Variants in KARS1 observed in about 807,000 individuals in gnomAD.
KARS1 encodes the protein lysyl-tRNA synthetase 1.
Under a neutral mutation model 63.9 loss-of-function variants are expected in KARS1, and 50 were observed. The observed-to-expected ratio is 0.78, with a 90% CI of 0.62 to 0.99. The LOEUF (loss-of-function observed/expected upper bound fraction) is 0.99. Among genes scored for constraint, KARS1 ranks in the 50% least tolerant of loss-of-function variants. The pLI, the probability that KARS1 is intolerant of heterozygous loss-of-function variation, is 0.00. For missense variants in KARS1, 816 were observed against 754.5 expected, an observed-to-expected ratio of 1.08 and a Z score of -0.95; for synonymous variants, 320 against 264.6, an observed-to-expected ratio of 1.21 and a Z score of -2.03.
chr16:75,646,983 T>C (rs984840167), intron 1 of KARS1, among the ~76,000 whole-genome samples: 22 of 152,148 alleles, frequency 1.4e-4, no homozygotes, highest in African/African-American at 4.6e-4. Flanking sequence ...CTCCAGGGAT[T>C]TGGGAGTGGT....
chr16:75,631,075 A>G (rs1318434459), intron 10 of KARS1, 93 bp downstream of exon 10: 1 of 951,200 alleles, frequency 1.1e-6, no homozygotes, highest in East Asian at 2.6e-5. Flanking sequence ...AGCTGCAGAA[A>G]TGAACTCTCC....
chr16:75,632,706 T>A (rs893371619), intron 7 of KARS1, among the ~76,000 whole-genome samples: 1 of 152,184 alleles, frequency 6.6e-6, no homozygotes, highest in Non-Finnish European at 1.5e-5. Flanking sequence ...CTCAGAATCA[T>A]TCCTAGTTGT....
chr16:75,636,607 G>T, intron 3 of KARS1, 60 bp from the exon 4 acceptor site: 1 of 1,072,114 alleles, frequency 9.3e-7, no homozygotes, highest in Non-Finnish European at 1.4e-6. Context: ...TATGGTATCA[G>T]TGTCAAAAAA....
intron 7 of KARS1, among the ~76,000 whole-genome samples, chr16:75,633,000 C>G (rs1013595564): frequency 1.3e-5 from 2 of 152,138 alleles, no homozygotes; most frequent in Admixed American, 6.5e-5. Context: ...ATTAACTAAC[C>G]TTTCAGCCAG....
At chr16:75,636,349 A>G (rs2151806074) in intron 4 of KARS1, 105 bp downstream of exon 4, 1 of 869,414 alleles carries the variant, frequency 1.2e-6, no homozygotes, top group Middle Eastern at 2.2e-4. Context: ...ACCATGTCCC[A>G]CTCCTTCTTA....
chr16:75,628,801 T>G, intron 12 of KARS1, 89 bp from the exon 13 acceptor site: 4 of 1,375,074 alleles, frequency 2.9e-6, no homozygotes, highest in Non-Finnish European at 3.1e-6. Context: ...GAGGTGGGAG[T>G]ACCATCATTC....
intron 1 of KARS1, among the ~76,000 whole-genome samples, chr16:75,646,306 G>A (rs1346672938): frequency 6.6e-6 from 1 of 152,208 alleles, no homozygotes; most frequent in Non-Finnish European, 1.5e-5. Context: ...ACTTTGGGAG[G>A]CCAAGGTGGG....
At chr16:75,636,973 T>C (rs1311090228) in intron 3 of KARS1, among the ~76,000 whole-genome samples, 1 of 145,844 alleles carries the variant, frequency 6.9e-6, no homozygotes, top group East Asian at 2.1e-4. Context: ...CAGGGCACAA[T>C]GCAAAGCAGT....
rs193272354 is a variant in KARS1 at position 75,629,626 on chromosome 16, G to C, written c.1425-85C>G. The C allele has an allele frequency of 3.4e-4, 475 of 1,416,946 alleles. No individual in the cohort carries two copies. In the African/African-American group the frequency reaches 6.0e-3, roughly 18 times the overall value. 87.8% of individuals were successfully genotyped at this position (1,416,946 alleles called of 1,614,324 possible). The stretch of plus-strand genomic sequence containing the variant: ...GTTTTTTCTTTTTTTTTGAGACGGA[G>C]TCTCGCTCTGTCACGCAGGCTGGAG... On this transcript the variant is annotated intron_variant, in intron 11 of 13. Transcript: ENST00000302445.
At chr16:75,637,360 C>T (rs979280283) in intron 3 of KARS1, among the ~76,000 whole-genome samples, 1 of 151,822 alleles carries the variant, frequency 6.6e-6, no homozygotes, top group Admixed American at 6.6e-5. Flanking sequence ...CTGGAAAGCC[C>T]CCAAATGGCC....
At chr16:75,635,566 C>T (rs991000214) in intron 6 of KARS1, 114 bp downstream of exon 6, 228 of 1,191,726 alleles carry the variant, frequency 1.9e-4, no homozygotes, top group Non-Finnish European at 2.6e-4. Context: ...GGGACATTCT[C>T]ATTAGGCATG....
intron 7 of KARS1, among the ~76,000 whole-genome samples, chr16:75,633,050 C>T (rs2082129380): frequency 6.6e-6 from 1 of 152,128 alleles, no homozygotes; most frequent in African/African-American, 2.4e-5. Context: ...GATACTGCTC[C>T]CTAATGGTAT....
chr16:75,635,647 A>T, intron 6 of KARS1, 33 bp downstream of exon 6: 4 of 1,612,490 alleles, frequency 2.5e-6, no homozygotes, highest in African/African-American at 2.7e-5. Flanking sequence ...ATTGCAAGGC[A>T]GCTCATCACG....
intron 1 of KARS1, among the ~76,000 whole-genome samples, chr16:75,643,160 A>C (rs2082243053): frequency 6.6e-6 from 1 of 152,194 alleles, no homozygotes; most frequent in Non-Finnish European, 1.5e-5. Flanking sequence ...ACCAGAAACT[A>C]AACAGATTGG....
In KARS1 at chr16:75,629,458, T is replaced by C; in HGVS notation, c.1508A>G (p.Asn503Ser). The change falls in exon 12 of 14, where the codon AAT (asparagine) becomes AGT (serine). Residue 503 changes from asparagine to serine, a missense_variant. By Grantham distance (46) the Asn-to-Ser change is conservative. Coordinates refer to ENST00000302445, the MANE Select transcript of KARS1 (RefSeq NM_005548.3). ...KEICNAYTEL[N>S]DPMRQRQLFE... ...AAGCTGCCGCTGCCGCATGGGATCA[T>C]TCAGCTCAGTATACGCATTGCATAT... 1 of 1,614,230 alleles carries C rather than the reference T, an allele frequency of 6.2e-7. No homozygotes were observed. Among genetic ancestry groups the C allele is most frequent in the Non-Finnish European group, 8.5e-7 (1 of 1,180,032 alleles).
chr16:75,628,688 C>T lies in KARS1; in HGVS notation c.1576G>A (p.Ala526Thr). ...AKAKAAGDDE[A>T]MFIDENFCTA... The stretch of plus-strand genomic sequence containing the variant: ...CAGAAGTTTTCATCTATGAACATGG[C>T]CTCATCATCACCTGCAGCCTTGGCC... Residue 526 changes from alanine (A) to threonine (T), a missense_variant, in exon 13 of 14, where the codon GCC (alanine) becomes ACC (threonine). Transcript: ENST00000302445. 6.2e-7 allele frequency: 1 copy of T among 1,614,198 alleles called. No homozygotes were observed. Among genetic ancestry groups the T allele is most frequent in the East Asian group, 2.2e-5 (1 of 44,890 alleles).
chr16:75,639,914 C>T (rs1033950679), intron 3 of KARS1: 2 of 480,818 alleles, frequency 4.2e-6, no homozygotes, highest in Non-Finnish European at 7.5e-6. Flanking sequence ...TCTTAGAAGC[C>T]TGAGACTTCT....
intron 1 of KARS1, 159 bp downstream of exon 1, chr16:75,647,419 A>G (rs962853447): frequency 2.3e-5 from 17 of 735,422 alleles, no homozygotes; most frequent in Admixed American, 8.2e-5. Flanking sequence ...ATCCCGGGGT[A>G]CGTGGTCTGC....
At chr16:75,644,441 T>C (rs748377781) in intron 1 of KARS1, 31 of 1,603,256 alleles carry the variant, frequency 1.9e-5, no homozygotes, top group Non-Finnish European at 2.5e-5. Flanking sequence ...CAGAGCACCC[T>C]GGAACTAATG....
Sources: gnomAD v4.1 joint callset for allele counts (sites outside exome capture counted in the v4.1 genomes callset) on GRCh38, gnomAD v4.1.1 for gene constraint, MANE v1.5 for transcripts, NCBI Gene and HGNC (gene_info 2026-07-23, HGNC 2026-07-21) for gene names.